Variants in NBAS observed in about 807,000 individuals in gnomAD.
The protein encoded by NBAS is NAG/BC035112 fusion.
Under a neutral mutation model 302.5 loss-of-function variants are expected in NBAS, and 219 were observed. The ratio of observed to expected loss-of-function variants is 0.72; its 90% CI spans 0.65 to 0.81. NBAS has a LOEUF of 0.81. Ranked by LOEUF, NBAS falls within the 30% of genes least tolerant of loss-of-function variation. NBAS has a pLI of 0.00. For synonymous variants in NBAS, 1,118 were observed against 1,021.6 expected, an observed-to-expected ratio of 1.09 and a Z score of -1.80; for missense variants, 2,932 against 2,841.6, an observed-to-expected ratio of 1.03 and a Z score of -0.72.
chr2:14,925,592 T>G, the NBAS span, among the ~76,000 whole-genome samples: 1 of 152,162 alleles, frequency 6.6e-6, no homozygotes, highest in Non-Finnish European at 1.5e-5. Context: ...ATCCCACTCT[T>G]TACAGAATGG....
chr2:15,433,390 G>A (rs1244907407), intron 21 of NBAS, among the ~76,000 whole-genome samples: 1 of 152,138 alleles, frequency 6.6e-6, no homozygotes, highest in South Asian at 2.1e-4. Flanking sequence ...TACAGTGAAT[G>A]TTATAAAAAC....
chr2:15,315,678 T>C (rs1321045584), intron 38 of NBAS, among the ~76,000 whole-genome samples: 1 of 152,230 alleles, frequency 6.6e-6, no homozygotes, highest in Non-Finnish European at 1.5e-5. Flanking sequence ...TCCACAGGAT[T>C]TGAGATGGAA....
chr2:15,328,368 T>G, intron 36 of NBAS, 56 bp from the exon 37 acceptor site: 1 of 1,425,640 alleles, frequency 7.0e-7, no homozygotes, highest in Non-Finnish European at 9.9e-7. Flanking sequence ...GGCAAGGAGG[T>G]AGAAGAAGTA....
chr2:15,464,057 G>A (rs1283585964), intron 19 of NBAS, among the ~76,000 whole-genome samples: 1 of 152,116 alleles, frequency 6.6e-6, no homozygotes, highest in African/African-American at 2.4e-5. Context: ...TTGGTGCTGA[G>A]CAATGGGCAC....
At chr2:15,497,828 G>A (rs941098338) in intron 11 of NBAS, among the ~76,000 whole-genome samples, 5 of 152,130 alleles carry the variant, frequency 3.3e-5, no homozygotes, top group Non-Finnish European at 7.4e-5. Context: ...TTTGCTCCTA[G>A]TAACACCTAT....
At chr2:15,436,605 G>A (rs900405995) in intron 21 of NBAS, among the ~76,000 whole-genome samples, 2 of 152,162 alleles carry the variant, frequency 1.3e-5, no homozygotes, top group Non-Finnish European at 2.9e-5. Context: ...AAGGTAGCAC[G>A]ATTCACAGCA....
chr2:14,806,042 G>A, the NBAS span, among the ~76,000 whole-genome samples: 1 of 152,182 alleles, frequency 6.6e-6, no homozygotes, highest in African/African-American at 2.4e-5. Flanking sequence ...ATTACATGCT[G>A]GAGATCAGTG....
intron 47 of NBAS, among the ~76,000 whole-genome samples, chr2:15,221,598 T>G (rs1478087311): frequency 6.6e-6 from 1 of 152,184 alleles, no homozygotes; most frequent in Non-Finnish European, 1.5e-5. Flanking sequence ...AACAACTGTT[T>G]CGGAGGAAGA....
chr2:14,819,615 A>G, the NBAS span, among the ~76,000 whole-genome samples: 1 of 152,238 alleles, frequency 6.6e-6, no homozygotes, highest in Non-Finnish European at 1.5e-5. Context: ...TAAGTCATAG[A>G]CAAATATCTT....
chr2:15,098,018 GTA>G, the NBAS span, among the ~76,000 whole-genome samples: 1 of 71,868 alleles, frequency 1.4e-5, no homozygotes, highest in African/African-American at 5.8e-5. Flanking sequence ...ATATTATATT[GTA>G]TATAATATAT....
At chr2:15,413,278 C>T (rs192737828) in intron 25 of NBAS, among the ~76,000 whole-genome samples, 13 of 152,186 alleles carry the variant, frequency 8.5e-5, no homozygotes, top group African/African-American at 3.1e-4. Context: ...CTTGCCCTGC[C>T]AAAATTTGCT....
chr2:15,197,388 G>T (rs958791803), intron 48 of NBAS, among the ~76,000 whole-genome samples: 5 of 152,082 alleles, frequency 3.3e-5, no homozygotes, highest in African/African-American at 1.2e-4. Context: ...TCTAGCCTAG[G>T]TCTGAGTTTC....
At chr2:15,002,216 C>T in the NBAS span, among the ~76,000 whole-genome samples, 12 of 152,084 alleles carry the variant, frequency 7.9e-5, no homozygotes, top group Admixed American at 1.3e-4. Context: ...GGTGTGTTTA[C>T]AAACCTTGAG....
In NBAS at chr2:15,394,621, C is replaced by A. The variant is rs190317590; in HGVS notation, c.3135-272G>T. On this transcript the variant is annotated intron_variant, in intron 27 of 51. Coordinates refer to ENST00000281513, the MANE Select transcript of NBAS (RefSeq NM_015909.4). ...CATAACCTATCTTTATCTCAAAAAT[C>A]TTTTTGCTACAGCACCTGTCAGTAA... Among the ~76,000 whole-genome samples the A allele has an allele frequency of 4.0e-4, 61 of 152,184 alleles. 1 individual carries two copies. The highest frequency in any genetic ancestry group is 1.3e-3 in the African/African-American group (55 of 41,538).
intron 44 of NBAS, among the ~76,000 whole-genome samples, chr2:15,253,068 G>A (rs1357846767): frequency 6.6e-6 from 1 of 152,126 alleles, no homozygotes; most frequent in Non-Finnish European, 1.5e-5. Flanking sequence ...AGGACAGAAT[G>A]AGGAATTAAT....
chr2:15,108,086 G>A, the NBAS span, among the ~76,000 whole-genome samples: 1 of 127,988 alleles, frequency 7.8e-6, no homozygotes, highest in Admixed American at 7.1e-5. Flanking sequence ...CCATTCACCT[G>A]TTGATGCACT....
the NBAS span, among the ~76,000 whole-genome samples, chr2:14,913,241 G>A: frequency 2.6e-5 from 4 of 152,290 alleles, no homozygotes; most frequent in Admixed American, 6.5e-5. Flanking sequence ...ACAGATAAAC[G>A]CAGACCACAG....
chr2:15,393,231 T>C (rs1194946162), intron 28 of NBAS, among the ~76,000 whole-genome samples: 3 of 151,922 alleles, frequency 2.0e-5, no homozygotes, highest in African/African-American at 7.2e-5. Context: ...AAAAGCATAC[T>C]CTTCAAAACA....
chr2:15,377,332 G>A (rs907907587), intron 30 of NBAS, among the ~76,000 whole-genome samples: 1 of 152,116 alleles, frequency 6.6e-6, no homozygotes, highest in South Asian at 2.1e-4. Flanking sequence ...TTTAGAGAAG[G>A]GGCCCTTTAG....
Sources: allele counts gnomAD v4.1 joint callset (sites outside exome capture counted in the v4.1 genomes callset), GRCh38; gene constraint gnomAD v4.1.1; transcripts MANE v1.5; gene names NCBI Gene and HGNC (gene_info 2026-07-23, HGNC 2026-07-21).